The following LRP1B variants were observed in gnomAD, a reference collection of about 807,000 sequenced individuals.
The protein encoded by LRP1B is LDL receptor related protein 1B, also known as low-density lipoprotein receptor-related protein 1B.
LRP1B carries 217 observed loss-of-function variants against 556.6 expected under a neutral mutation model. That is an observed-to-expected ratio of 0.39 (90% confidence interval 0.35 to 0.44). The LOEUF is 0.44. LRP1B is among the 20% of genes least tolerant of loss of function. The probability of loss-of-function intolerance (pLI) is 1.00; values close to 1 mark genes in which losing one functional copy is unlikely to be tolerated. For synonymous variants in LRP1B, 2,047 were observed against 1,865.8 expected, an observed-to-expected ratio of 1.10 and a Z score of -2.50; for missense variants, 5,053 against 5,620.8, an observed-to-expected ratio of 0.90 and a Z score of 3.23.
At chr2:140,548,920 G>A (rs1307575567) in intron 43 of LRP1B, among the ~76,000 whole-genome samples, 2 of 151,922 alleles carry the variant, frequency 1.3e-5, no homozygotes. Context: ...GCAAGACTCT[G>A]TCTCAAAAAA....
At chr2:141,109,366 G>A (rs1009949363) in intron 7 of LRP1B, among the ~76,000 whole-genome samples, 5 of 152,100 alleles carry the variant, frequency 3.3e-5, no homozygotes, top group African/African-American at 1.2e-4. Context: ...GGCTCCATCT[G>A]GGAAGTAAGC....
intron 1 of LRP1B, among the ~76,000 whole-genome samples, chr2:142,029,735 T>A (rs1244686332): frequency 1.3e-5 from 2 of 151,890 alleles, no homozygotes; most frequent in Non-Finnish European, 2.9e-5. Context: ...ATATTTATCT[T>A]CAATGTTTTA....
At chr2:140,349,327 C>A (rs973147268) in intron 77 of LRP1B, among the ~76,000 whole-genome samples, 1 of 151,976 alleles carries the variant, frequency 6.6e-6, no homozygotes, top group East Asian at 1.9e-4. Context: ...ATGTAAATTG[C>A]AAATAATTTT....
intron 32 of LRP1B, among the ~76,000 whole-genome samples, chr2:140,809,489 T>TTGCAG (rs1186365771): frequency 6.6e-6 from 1 of 152,136 alleles, no homozygotes; most frequent in Admixed American, 6.6e-5. Context: ...TAGACTCAGA[T>TTGCAG]CCTACTTAAC....
rs74469667 is a variant in LRP1B at position 141,410,951 on chromosome 2, T to A, written c.343+69445A>T. Among the ~76,000 whole-genome samples, 17 of 150,632 alleles carry A rather than the reference T, an allele frequency of 1.1e-4. No individual in the cohort carries two copies. In the East Asian group the frequency reaches 3.3e-3, roughly 29 times the overall value. On this transcript the variant is annotated intron_variant, in intron 3 of 90. Transcript: ENST00000389484. The stretch of plus-strand genomic sequence containing the variant: ...TCTAAGTATTTAAAAATGCACTTTA[T>A]TTTTTTTTAAACTCTCCTAGCTATA...
chr2:141,173,749 A>G, intron 7 of LRP1B, among the ~76,000 whole-genome samples: 1 of 152,024 alleles, frequency 6.6e-6, no homozygotes, highest in East Asian at 1.9e-4. Flanking sequence ...ACAGAAAAAC[A>G]GAAAAAAAAT....
intron 1 of LRP1B, among the ~76,000 whole-genome samples, chr2:141,812,443 C>A (rs1482629878): frequency 6.6e-6 from 1 of 152,038 alleles, no homozygotes; most frequent in Admixed American, 6.6e-5. Context: ...TCTTGAAATG[C>A]TAGATTTTAT....
chr2:141,811,704 C>T (rs1327509121), intron 1 of LRP1B, among the ~76,000 whole-genome samples: 1 of 152,104 alleles, frequency 6.6e-6, no homozygotes, highest in African/African-American at 2.4e-5. Flanking sequence ...CCACCAACAG[C>T]ATGCTCATCA....
At chr2:142,035,113 T>C (rs1703834345) in intron 1 of LRP1B, among the ~76,000 whole-genome samples, 1 of 151,746 alleles carries the variant, frequency 6.6e-6, no homozygotes, top group Non-Finnish European at 1.5e-5. Flanking sequence ...TATTCAACAT[T>C]TCTTTTTTTT....
intron 2 of LRP1B, among the ~76,000 whole-genome samples, chr2:141,719,735 T>C (rs887044544): frequency 6.6e-6 from 1 of 152,090 alleles, no homozygotes; most frequent in Non-Finnish European, 1.5e-5. Context: ...TGGATGCACC[T>C]GGAGATGATT....
At chr2:140,547,920 C>T (rs1358005820) in intron 43 of LRP1B, among the ~76,000 whole-genome samples, 1 of 149,926 alleles carries the variant, frequency 6.7e-6, no homozygotes. Context: ...TATTAATATT[C>T]CAAACAGGAC....
intron 1 of LRP1B, among the ~76,000 whole-genome samples, chr2:142,088,702 G>A (rs1045878513): frequency 7.2e-5 from 11 of 152,132 alleles, no homozygotes; most frequent in African/African-American, 2.4e-4. Flanking sequence ...ATGGCCGGGC[G>A]CAGTGGCTCA....
At chr2:141,855,458 G>A (rs1359624556) in intron 1 of LRP1B, among the ~76,000 whole-genome samples, 1 of 152,104 alleles carries the variant, frequency 6.6e-6, no homozygotes, top group African/African-American at 2.4e-5. Context: ...AAAAGCAAAA[G>A]TAAATGGTAT....
rs537923903 is a variant in LRP1B at position 141,331,582 on chromosome 2, C to A, written c.344-76941G>T. 9.8e-5 allele frequency among the ~76,000 whole-genome samples: 11 copies of A among 112,226 alleles called. No homozygotes were observed. In the East Asian group the frequency reaches 1.9e-3, roughly 20 times the overall value. The allele number at this position is 112,226 out of a possible 152,430, so 73.6% of individuals were successfully genotyped here. On this transcript the variant is annotated intron_variant, in intron 3 of 90. Transcript: ENST00000389484. ...TTGGGAGGGAGGGGGAATTTCTAAT[C>A]TTATAAAGAGACTGCAAAAAAATTA... is the stretch of plus-strand genomic sequence containing the variant.
chr2:140,518,456 A>G (rs1690012671), intron 49 of LRP1B, among the ~76,000 whole-genome samples: 1 of 152,208 alleles, frequency 6.6e-6, no homozygotes, highest in Non-Finnish European at 1.5e-5. Context: ...CTAGAAAGAG[A>G]TGGAGATCAC....
At chr2:140,794,279 C>T (rs567660302) in intron 32 of LRP1B, among the ~76,000 whole-genome samples, 24 of 152,110 alleles carry the variant, frequency 1.6e-4, no homozygotes, top group Admixed American at 5.9e-4. Flanking sequence ...AATGTGAATA[C>T]ATAGGTAATT....
intron 1 of LRP1B, among the ~76,000 whole-genome samples, chr2:142,015,917 G>A (rs1398504655): frequency 1.2e-4 from 18 of 145,594 alleles, no homozygotes; most frequent in Admixed American, 1.0e-3. Flanking sequence ...GCGATAGCCC[G>A]GGAGTCGGAG....
chr2:140,359,971 G>C (rs965179267), intron 72 of LRP1B, among the ~76,000 whole-genome samples: 6 of 151,452 alleles, frequency 4.0e-5, no homozygotes, highest in Non-Finnish European at 8.9e-5. Flanking sequence ...TTGTCCCCAG[G>C]TTTGGCATCT....
chr2:141,594,160 A>C (rs1037876572), intron 2 of LRP1B, among the ~76,000 whole-genome samples: 1 of 152,016 alleles, frequency 6.6e-6, no homozygotes, highest in Non-Finnish European at 1.5e-5. Flanking sequence ...GGACTTTCTC[A>C]CCATCGAGTA....
Sources: gnomAD v4.1 joint callset for allele counts (sites outside exome capture counted in the v4.1 genomes callset) on GRCh38, gnomAD v4.1.1 for gene constraint, MANE v1.5 for transcripts, NCBI Gene and HGNC (gene_info 2026-07-23, HGNC 2026-07-21) for gene names.